GPR39: variants seen among roughly 807,000 people sequenced by gnomAD.
GPR39 encodes the protein G protein-coupled receptor 39, also known as zinc sensing receptor.
In GPR39, 23 loss-of-function variants were observed where a neutral mutation model predicts 18.4. The ratio of observed to expected loss-of-function variants is 1.25; its 90% CI spans 0.90 to 1.77. The LOEUF (loss-of-function observed/expected upper bound fraction) is 1.77. GPR39 is among the 40% of genes most tolerant of loss of function. The pLI, the probability that GPR39 is intolerant of heterozygous loss-of-function variation, is 0.00. For missense variants in GPR39, 647 were observed against 602.4 expected (o/e 1.07, Z -0.78); for synonymous variants, 280 against 257.9 (o/e 1.09, Z -0.82).
At chr2:132,564,012 C>T (rs1680302618) in intron 1 of GPR39, among the ~76,000 whole-genome samples, 1 of 152,244 alleles carries the variant, frequency 6.6e-6, no homozygotes, top group African/African-American at 2.4e-5. Context: ...CTTGAAACCA[C>T]TGCTGCAAGC....
chr2:132,450,289 A>G (rs1221547323), intron 1 of GPR39, among the ~76,000 whole-genome samples: 1 of 152,196 alleles, frequency 6.6e-6, no homozygotes, highest in Non-Finnish European at 1.5e-5. Context: ...GAATTGATGC[A>G]AAGCAGATGG....
At chr2:132,643,695 T>C (rs1468817512) in intron 1 of GPR39, among the ~76,000 whole-genome samples, 2 of 152,186 alleles carry the variant, frequency 1.3e-5, no homozygotes, top group African/African-American at 4.8e-5. Flanking sequence ...AAGTTTTTCT[T>C]TTTTTGTAGA....
chr2:132,585,880 GT>G (rs1354191392), intron 1 of GPR39, among the ~76,000 whole-genome samples: 3 of 151,606 alleles, frequency 2.0e-5, no homozygotes, highest in African/African-American at 7.3e-5. Context: ...TGTTGTTATC[GT>G]GGGGTACCCG....
At chr2:132,624,549 A>G (rs190634039) in intron 1 of GPR39, among the ~76,000 whole-genome samples, 1 of 152,364 alleles carries the variant, frequency 6.6e-6, no homozygotes, top group East Asian at 1.9e-4. Flanking sequence ...TAACCAGATG[A>G]CTAGTACTCC....
In GPR39 at chr2:132,417,675, C is replaced by T. The variant is rs756540249; in HGVS notation, c.633C>T (p.Thr211=). ...AGACCTCCAATATGTCCATCTGTAC[C>T]AACCTCTCCAGCCGCTGGACCGTGT... ...QPETSNMSIC[T]NLSSRWTVFQ... Residue 211 remains threonine (T), a synonymous_variant, in exon 1 of 2, where the codon ACC becomes ACT. Transcript: ENST00000329321. The T allele has an allele frequency of 1.9e-6, 3 of 1,614,192 alleles. No individual in the cohort carries two copies. The highest frequency in any genetic ancestry group is 3.3e-5 in the Admixed American group (2 of 60,030).
At chr2:132,474,054 A>G (rs1008236455) in intron 1 of GPR39, among the ~76,000 whole-genome samples, 1 of 152,158 alleles carries the variant, frequency 6.6e-6, no homozygotes, top group African/African-American at 2.4e-5. Flanking sequence ...GCACTACGAC[A>G]TGACATCAGT....
intron 1 of GPR39, among the ~76,000 whole-genome samples, chr2:132,483,955 G>T (rs929837743): frequency 6.6e-6 from 1 of 152,200 alleles, no homozygotes; most frequent in African/African-American, 2.4e-5. Flanking sequence ...TCTGTTAGTT[G>T]GTGGATCAAA....
At chr2:132,451,894 C>A (rs1255947938) in intron 1 of GPR39, among the ~76,000 whole-genome samples, 1 of 152,130 alleles carries the variant, frequency 6.6e-6, no homozygotes, top group East Asian at 1.9e-4. Context: ...ATTCAGTCTT[C>A]TTCACTAGGC....
At chr2:132,489,148 G>T in intron 1 of GPR39, 2 of 238,084 alleles carry the variant, frequency 8.4e-6, no homozygotes, top group South Asian at 1.5e-4. Context: ...TACTTCCTGG[G>T]GTTATTCTTC....
At position 132,645,131 on chromosome 2, in the gene GPR39, GGATGCCCAACCA is replaced by G. The variant is rs748759867; in HGVS notation, c.891_902del (p.Met297_Gln300del). On this transcript the variant is annotated inframe_deletion, in exon 2 of 2. Coordinates refer to ENST00000329321, the MANE Select transcript of GPR39 (RefSeq NM_001508.3). ...ATTGTTGTGACATTGGCCGTATGCTGGATGCCCAACCAGATTCGGAGGATCATGGCTGCGGCC... is the reference window on the plus strand; with the variant it reads ...ATTGTTGTGACATTGGCCGTATGCTGGATTCGGAGGATCATGGCTGCGGCC... 6.2e-7 allele frequency: 1 copy of G among 1,613,868 alleles called. No homozygotes were observed. Among genetic ancestry groups the G allele is most frequent in the South Asian group, 1.1e-5 (1 of 91,022 alleles).
intron 1 of GPR39, among the ~76,000 whole-genome samples, chr2:132,546,648 CT>C (rs1679953942): frequency 6.6e-6 from 1 of 151,772 alleles, no homozygotes. Context: ...TCCCCTCTTT[CT>C]GATTATGCCA....
Position 132,645,910 on chromosome 2 carries a change from G to T in GPR39, c.*304G>T. On this transcript the variant is annotated 3_prime_UTR_variant, in exon 2 of 2. Coordinates refer to ENST00000329321, the MANE Select transcript of GPR39 (RefSeq NM_001508.3). Reference sequence around the variant, plus strand: ...CCGAGCTCTTTCATTATTTGCACAGGAACAAAAGAGAACACGGACTCCCGC... The same window carrying T: ...CCGAGCTCTTTCATTATTTGCACAGTAACAAAAGAGAACACGGACTCCCGC... 2.9e-6 allele frequency: 2 copies of T among 690,772 alleles called. No homozygotes were observed. Among genetic ancestry groups the T allele is most frequent in the Non-Finnish European group, 4.7e-6 (2 of 421,860 alleles). 42.8% of individuals were successfully genotyped at this position (690,772 alleles called of 1,614,324 possible). A position where few individuals can be genotyped will look rare whatever the true frequency, so the allele number is the denominator to read the frequency against.
At chr2:132,475,899 T>G (rs1231519307) in intron 1 of GPR39, among the ~76,000 whole-genome samples, 2 of 152,224 alleles carry the variant, frequency 1.3e-5, no homozygotes, top group Non-Finnish European at 2.9e-5. Flanking sequence ...TGTCATTATC[T>G]TCTGCCAATC....
At chr2:132,478,303 G>A (rs185437994) in intron 1 of GPR39, among the ~76,000 whole-genome samples, 110 of 152,296 alleles carry the variant, frequency 7.2e-4, no homozygotes, top group African/African-American at 2.5e-3. Context: ...GAATAGTGCC[G>A]GGCACAGGAT....
chr2:132,485,477 A>C (rs1398846774), intron 1 of GPR39, among the ~76,000 whole-genome samples: 3 of 152,228 alleles, frequency 2.0e-5, no homozygotes, highest in Non-Finnish European at 4.4e-5. Context: ...CATTTTATCC[A>C]GATTAAGACT....
At chr2:132,455,532 G>A (rs1680706226) in intron 1 of GPR39, among the ~76,000 whole-genome samples, 1 of 152,102 alleles carries the variant, frequency 6.6e-6, no homozygotes, top group Admixed American at 6.6e-5. Context: ...ACTTTTGAAT[G>A]TGTTTGCTCT....
intron 1 of GPR39, among the ~76,000 whole-genome samples, chr2:132,459,746 G>A (rs549773624): frequency 2.0e-5 from 3 of 152,304 alleles, no homozygotes; most frequent in African/African-American, 4.8e-5. Context: ...ACTCAGTCAC[G>A]AAGACTTGAT....
chr2:132,471,277 T>C (rs1213320059), intron 1 of GPR39, among the ~76,000 whole-genome samples: 1 of 152,110 alleles, frequency 6.6e-6, no homozygotes, highest in Non-Finnish European at 1.5e-5. Flanking sequence ...GAGAACAATT[T>C]ATTTGTTGGC....
intron 1 of GPR39, among the ~76,000 whole-genome samples, chr2:132,533,773 A>G (rs1185028752): frequency 6.6e-6 from 1 of 152,196 alleles, no homozygotes; most frequent in East Asian, 1.9e-4. Flanking sequence ...TGGTGCTGGG[A>G]AAACTGGCTA....
Sources: gnomAD v4.1 joint callset for allele counts (sites outside exome capture counted in the v4.1 genomes callset) on GRCh38, gnomAD v4.1.1 for gene constraint, MANE v1.5 for transcripts, NCBI Gene and HGNC (gene_info 2026-07-23, HGNC 2026-07-21) for gene names.